The following DSG4 variants were observed in gnomAD, a reference collection of about 807,000 sequenced individuals.
DSG4 encodes desmoglein-4.
Under a neutral mutation model 93.1 loss-of-function variants are expected in DSG4, and 87 were observed. That is an observed-to-expected ratio of 0.93 (90% CI 0.79 to 1.12). The LOEUF is 1.12. Ranked by LOEUF, DSG4 falls within the 50% of genes most tolerant of loss-of-function variation. The pLI is 0.00. For synonymous variants in DSG4, 432 were observed against 452.9 expected, an observed-to-expected ratio of 0.95 and a Z score of 0.59; for missense variants, 1,373 against 1,285.7, an observed-to-expected ratio of 1.07 and a Z score of -1.04.
At position 31,390,149 on chromosome 18, in the gene DSG4, CTGTT is replaced by C. The variant is rs1482829379; in HGVS notation, c.518-504_518-501del. 7.2e-5 allele frequency among the ~76,000 whole-genome samples: 11 copies of C among 152,234 alleles called. No homozygotes were observed. In the East Asian group the frequency reaches 1.4e-3, roughly 19 times the overall value. Reference sequence around the variant, plus strand: ...CTTTTCAATAATTATAAATTTGTGACTGTTTGGTAAAATGCTATCTTCCAATGCA... The same window carrying C: ...CTTTTCAATAATTATAAATTTGTGACTGGTAAAATGCTATCTTCCAATGCA... On this transcript the variant is annotated intron_variant, in intron 5 of 15. Transcript: ENST00000308128.
rs991846430 is a variant in DSG4 at position 31,388,288 on chromosome 18, C to G, written c.217-79C>G. 2.0e-6 allele frequency: 3 copies of G among 1,529,150 alleles called. No homozygotes were observed. The African/African-American group carries it at 4.1e-5, about 21-fold the overall frequency. The allele number at this position is 1,529,150 out of a possible 1,614,324, so 94.7% of individuals were successfully genotyped here. ...CCAAAGCCCATTTGGTAAAGAAACC[C>G]ACTCCCTTCTTATTCCACTACACTC... On this transcript the variant is annotated intron_variant, in intron 3 of 15. Transcript: ENST00000308128.
In DSG4 at chr18:31,410,398, T is replaced by C. The variant is rs192546073; in HGVS notation, c.2137+590T>C. Among the ~76,000 whole-genome samples the C allele has an allele frequency of 2.0e-5, 3 of 151,818 alleles. No homozygotes were observed. The East Asian group carries it at 5.8e-4, about 29-fold the overall frequency. ...TATTTTATTATATATAACATACATG[T>C]GTATGTGTGTCTATATATATACACA... On this transcript the variant is annotated intron_variant, in intron 14 of 15. Coordinates refer to ENST00000308128, the MANE Select transcript of DSG4 (RefSeq NM_177986.5).
Position 31,390,681 on chromosome 18 carries a change from C to T in DSG4, c.543C>T (p.Ala181=), listed in dbSNP as rs763246129. 1.9e-6 allele frequency: 3 copies of T among 1,613,522 alleles called. No homozygotes were observed. The highest frequency in any genetic ancestry group is 3.3e-5 in the Admixed American group (2 of 59,964). Residue 181 remains alanine (A), a synonymous_variant, in exon 6 of 16, where the codon GCC becomes GCT. Coordinates refer to ENST00000308128, the MANE Select transcript of DSG4 (RefSeq NM_177986.5). Reference sequence around the variant, plus strand: ...ATACATTGGTAGTAAAGTTATGTGCCACAGATGCAGATGAAGAAAATCATC... The same window carrying T: ...ATACATTGGTAGTAAAGTTATGTGCTACAGATGCAGATGAAGAAAATCATC... ...DANTLVVKLC[A]TDADEENHLN...
At chr18:31,395,351 C>T (rs2072294933) in intron 8 of DSG4, among the ~76,000 whole-genome samples, 1 of 151,294 alleles carries the variant, frequency 6.6e-6, no homozygotes, top group South Asian at 2.1e-4. Context: ...ATACAAAGCC[C>T]TATCTATTTT....
intron 12 of DSG4, among the ~76,000 whole-genome samples, chr18:31,409,187 T>C (rs1389056569): frequency 1.3e-5 from 2 of 152,216 alleles, no homozygotes; most frequent in African/African-American, 4.8e-5. Context: ...CTTACTTTCC[T>C]AATCTGTCAG....
intron 1 of DSG4, among the ~76,000 whole-genome samples, chr18:31,384,334 T>A (rs200398250): frequency 1.4e-5 from 2 of 144,510 alleles, no homozygotes; most frequent in Non-Finnish European, 3.0e-5. Flanking sequence ...CAGAGAAAAA[T>A]GTTTGTTTAC....
chr18:31,388,309 C>T lies in DSG4; in HGVS notation c.217-58C>T. 5 of 1,593,606 alleles carry T rather than the reference C, an allele frequency of 3.1e-6. No homozygotes were observed. In the South Asian group the frequency reaches 3.3e-5, roughly 11 times the overall value. On this transcript the variant is annotated intron_variant, in intron 3 of 15. Transcript: ENST00000308128. ...AACCCACTCCCTTCTTATTCCACTA[C>T]ACTCTTAAGCATTATCTGCTCTAAA...
chr18:31,411,591 T>C, intron 15 of DSG4, 143 bp downstream of exon 15: 1 of 1,074,216 alleles, frequency 9.3e-7, no homozygotes, highest in South Asian at 1.4e-5. Context: ...GTATTTCACG[T>C]CTCCTTAAAA....
At position 31,383,245 on chromosome 18, in the gene DSG4, A is replaced by G. The variant is rs147913746; in HGVS notation, c.49-1891A>G. Among the ~76,000 whole-genome samples the G allele has an allele frequency of 2.3e-4, 35 of 152,364 alleles. 1 individual carries two copies. The South Asian group carries it at 5.6e-3, about 24-fold the overall frequency. ...AGCCAGGGGATTTGTCCAAAGCCAC[A>G]CTACTCAGTTCTTGTGCCTGCCTGT... On this transcript the variant is annotated intron_variant, in intron 1 of 15. Coordinates refer to ENST00000308128, the MANE Select transcript of DSG4 (RefSeq NM_177986.5).
chr18:31,385,432 A>T (rs988232722), intron 2 of DSG4, among the ~76,000 whole-genome samples: 4 of 152,278 alleles, frequency 2.6e-5, no homozygotes, highest in Admixed American at 1.3e-4. Context: ...TATGTTTTCC[A>T]ATCCACAGCA....
At position 31,406,018 on chromosome 18, in the gene DSG4, A is replaced by AC. The variant is rs1284098977; in HGVS notation, c.1637-53dup. The AC allele has an allele frequency of 2.7e-5, 43 of 1,602,066 alleles. 2 individuals carry two copies. The highest frequency in any genetic ancestry group is 2.0e-4 in the East Asian group (9 of 44,796). On this transcript the variant is annotated intron_variant, in intron 11 of 15. Coordinates refer to ENST00000308128, the MANE Select transcript of DSG4 (RefSeq NM_177986.5). ...TATTTGGTATTAGGGAGAGTTAACC[A>AC]CCCCCCTAGCCCACCAAGGAATTTC...
Position 31,413,062 on chromosome 18 carries a change from A to G in DSG4, c.2590A>G (p.Ile864Val), listed in dbSNP as rs764680815. 1.9e-6 allele frequency: 3 copies of G among 1,614,168 alleles called. No homozygotes were observed. Among genetic ancestry groups the G allele is most frequent in the Admixed American group, 3.3e-5 (2 of 60,022 alleles). ...PFPSHQACIP[I>V]STDLPLLGPN... ...TCCTTCACACCAGGCTTGTATACCAATCAGTACTGACCTCCCTTTGCTCGG... is the reference window on the plus strand; with the variant it reads ...TCCTTCACACCAGGCTTGTATACCAGTCAGTACTGACCTCCCTTTGCTCGG... Residue 864 changes from isoleucine to valine, a missense_variant, in exon 16 of 16, where the codon ATC becomes GTC. Physicochemically the swap from Ile to Val is conservative, Grantham distance 29 (BLOSUM62 3). Transcript: ENST00000308128.
At chr18:31,379,839 T>C (rs2144156184) in intron 1 of DSG4, among the ~76,000 whole-genome samples, 1 of 152,298 alleles carries the variant, frequency 6.6e-6, no homozygotes, top group Middle Eastern at 3.4e-3. Flanking sequence ...TTTCCAGAAA[T>C]ATGACAGAGA....
chr18:31,392,809 G>A (rs931331268), intron 8 of DSG4, among the ~76,000 whole-genome samples: 2 of 152,130 alleles, frequency 1.3e-5, no homozygotes, highest in African/African-American at 4.8e-5. Flanking sequence ...GCTAATGTGG[G>A]TAATAAAATA....
At chr18:31,378,744 G>A (rs7236634) in intron 1 of DSG4, among the ~76,000 whole-genome samples, 141,194 of 152,210 alleles carry the variant, frequency 0.93, 65,637 homozygotes, top group East Asian at 1. Flanking sequence ...TCAATTAATA[G>A]TGTCTGGAAT....
At chr18:31,411,509 T>TA (rs1436456515) in intron 15 of DSG4, 61 bp downstream of exon 15, 1 of 1,570,462 alleles carries the variant, frequency 6.4e-7, no homozygotes, top group African/African-American at 1.4e-5. Flanking sequence ...AATAGTAAAA[T>TA]ACTCACAATG....
intron 11 of DSG4, among the ~76,000 whole-genome samples, chr18:31,404,658 G>T (rs1009405998): frequency 6.6e-6 from 1 of 152,132 alleles, no homozygotes; most frequent in Non-Finnish European, 1.5e-5. Context: ...CACCAATAAA[G>T]TAAGAAATTA....
At chr18:31,412,767 T>C in intron 15 of DSG4, 61 bp from the exon 16 acceptor site, 1 of 1,579,866 alleles carries the variant, frequency 6.3e-7, no homozygotes, top group Middle Eastern at 1.7e-4. Context: ...GGGATTGCTG[T>C]TATTCTTCCT....
At chr18:31,404,918 C>T (rs913829485) in intron 11 of DSG4, among the ~76,000 whole-genome samples, 3 of 152,112 alleles carry the variant, frequency 2.0e-5, no homozygotes, top group African/African-American at 7.2e-5. Flanking sequence ...AATATTATAG[C>T]TATTACAGGT....
Sources: gnomAD v4.1 joint callset for allele counts (sites outside exome capture counted in the v4.1 genomes callset) on GRCh38, gnomAD v4.1.1 for gene constraint, MANE v1.5 for transcripts, NCBI Gene and HGNC (gene_info 2026-07-23, HGNC 2026-07-21) for gene names.